The following ADM2 variants were observed in gnomAD, a reference collection of about 807,000 sequenced individuals.
ADM2 encodes adrenomedullin 2, also known as protein ADM2.
ADM2 carries 5 observed loss-of-function variants against 7.1 expected under a neutral mutation model. That is an observed-to-expected ratio of 0.71 (90% CI 0.37 to 1.49). The LOEUF (loss-of-function observed/expected upper bound fraction) is 1.49, where lower values mean the gene tolerates loss of function less well. ADM2 is among the 40% of genes most tolerant of loss of function. The probability of loss-of-function intolerance (pLI) is 0.03; values close to 1 mark genes in which losing one functional copy is unlikely to be tolerated. For missense variants in ADM2, 236 were observed against 211.2 expected, an observed-to-expected ratio of 1.12 and a Z score of -0.73; for synonymous variants, 123 against 92.8, an observed-to-expected ratio of 1.33 and a Z score of -1.87.
rs61732427 is a variant in ADM2 at position 50,482,954 on chromosome 22, C to G, written c.*51C>G. On this transcript the variant is annotated 3_prime_UTR_variant, in exon 3 of 3. Transcript: ENST00000395737. ...CATCCCAGCCAGGGTGCTGTGCCCC[C>G]GTCCAGAGCTGCAGCTGAGCCCCAT... 2 of 1,542,000 alleles carry G rather than the reference C, an allele frequency of 1.3e-6. No homozygotes were observed. The highest frequency in any genetic ancestry group is 2.4e-5 in the South Asian group (2 of 84,440).
chr22:50,482,050 A>T (rs1013236852), intron 2 of ADM2, 93 bp downstream of exon 2: 1 of 1,175,952 alleles, frequency 8.5e-7, no homozygotes, highest in Non-Finnish European at 1.2e-6. Context: ...CCACGCCTCC[A>T]CCTGCTGCTA....
chr22:50,485,273 G>C lies in ADM2; in HGVS notation c.*2370G>C, dbSNP rs2148632661. On this transcript the variant is annotated 3_prime_UTR_variant, in exon 3 of 3. Coordinates refer to ENST00000395737, the MANE Select transcript of ADM2 (RefSeq NM_001253845.2). ...GAGGCAGGAGAATCGTCTAAGCCCGGGAGGTGGAGGTTGCAGTGAGCCCAG... is the reference window on the plus strand; with the variant it reads ...GAGGCAGGAGAATCGTCTAAGCCCGCGAGGTGGAGGTTGCAGTGAGCCCAG... The C allele has an allele frequency of 6.6e-6, 1 of 152,410 alleles. No individual in the cohort carries two copies. Among genetic ancestry groups the C allele is most frequent in the East Asian group, 1.9e-4 (1 of 5,194 alleles). The allele number at this position is 152,410 out of a possible 1,614,324, so 9.4% of individuals were successfully genotyped here. A position where few individuals can be genotyped will look rare whatever the true frequency, so the allele number is the denominator to read the frequency against.
Position 50,481,839 on chromosome 22 carries a change from C to T in ADM2, c.-9C>T. ...GCTCACCGCCCCCTCCCCTGCAGCCCCGCCCGCCATGGCCCGGATCCCGAC... is the reference window on the plus strand; with the variant it reads ...GCTCACCGCCCCCTCCCCTGCAGCCTCGCCCGCCATGGCCCGGATCCCGAC... On this transcript the variant is annotated splice_region_variant and 5_prime_UTR_variant, in exon 2 of 3. Coordinates refer to ENST00000395737, the MANE Select transcript of ADM2 (RefSeq NM_001253845.2). 3 of 1,494,252 alleles carry T rather than the reference C, an allele frequency of 2.0e-6. No homozygotes were observed. Among genetic ancestry groups the T allele is most frequent in the Non-Finnish European group, 2.7e-6 (3 of 1,128,390 alleles). The allele number at this position is 1,494,252 out of a possible 1,614,324, so 92.6% of individuals were successfully genotyped here.
At position 50,486,129 on chromosome 22, in the gene ADM2, C is replaced by T. The variant is rs1236546665; in HGVS notation, c.*3226C>T. On this transcript the variant is annotated 3_prime_UTR_variant, in exon 3 of 3. Transcript: ENST00000395737. ...TTTCCTCGACGAGGCCTGACCCCAT[C>T]CCCATCCTCGCTGGGCCCGCCGACC... The T allele has an allele frequency of 6.6e-6, 1 of 152,356 alleles. No homozygotes were observed. Among genetic ancestry groups the T allele is most frequent in the Non-Finnish European group, 1.5e-5 (1 of 68,168 alleles). The allele number at this position is 152,356 out of a possible 1,614,324, so 9.4% of individuals were successfully genotyped here.
At position 50,481,757 on chromosome 22, in the gene ADM2, C is replaced by T. The variant is rs1569515878; in HGVS notation, c.-18C>T. 13 of 879,410 alleles carry T rather than the reference C, an allele frequency of 1.5e-5. No individual in the cohort carries two copies. Among genetic ancestry groups the T allele is most frequent in the South Asian group, 2.1e-5 (1 of 48,438 alleles). The allele number at this position is 879,410 out of a possible 1,614,324, so 54.5% of individuals were successfully genotyped here. ...CCCGGCGCCCCGACCGCGGAGGACT[C>T]CCCGAGGTGCCGGCGGAGGGGGTGG... is the stretch of plus-strand genomic sequence containing the variant. On this transcript the variant is annotated 5_prime_UTR_variant, in exon 1 of 3. Transcript: ENST00000395737.
In ADM2 at chr22:50,481,853, C is replaced by T; in HGVS notation, c.6C>T (p.Ala2=). ...CCCCTGCAGCCCCGCCCGCCATGGC[C>T]CGGATCCCGACGGCCGCCCTGGGTT... is the stretch of plus-strand genomic sequence containing the variant. M[A]RIPTAALGCI... Residue 2 remains alanine (A), a synonymous_variant, in exon 2 of 3, where the codon GCC becomes GCT. Transcript: ENST00000395737. 1 of 1,504,568 alleles carries T rather than the reference C, an allele frequency of 6.6e-7. No individual in the cohort carries two copies. Among genetic ancestry groups the T allele is most frequent in the Non-Finnish European group, 8.8e-7 (1 of 1,132,764 alleles). 93.2% of individuals were successfully genotyped at this position (1,504,568 alleles called of 1,614,324 possible). A position where few individuals can be genotyped will look rare whatever the true frequency, so the allele number is the denominator to read the frequency against.
Position 50,483,892 on chromosome 22 carries a change from G to C in ADM2, c.*989G>C, listed in dbSNP as rs969279788. On this transcript the variant is annotated 3_prime_UTR_variant, in exon 3 of 3. Coordinates refer to ENST00000395737, the MANE Select transcript of ADM2 (RefSeq NM_001253845.2). ...TGTGTGTCCTTCCCTGGGGGGACGG[G>C]GGACTCACATGTGCCTGCCACTGGA... is the stretch of plus-strand genomic sequence containing the variant. The C allele has an allele frequency of 6.5e-6, 1 of 153,474 alleles. No individual in the cohort carries two copies. The highest frequency in any genetic ancestry group is 2.4e-5 in the African/African-American group (1 of 41,456). The allele number at this position is 153,474 out of a possible 1,614,324, so 9.5% of individuals were successfully genotyped here.
chr22:50,481,913 G>GC lies in ADM2; in HGVS notation c.67dup (p.Leu23ProfsTer154). 1 of 1,533,242 alleles carries GC rather than the reference G, an allele frequency of 6.5e-7. No individual in the cohort carries two copies. The highest frequency in any genetic ancestry group is 2.0e-5 in the Admixed American group (1 of 50,670). 95.0% of individuals were successfully genotyped at this position (1,533,242 alleles called of 1,614,324 possible). A position where few individuals can be genotyped will look rare whatever the true frequency, so the allele number is the denominator to read the frequency against. ...TCCTCTGCCTGCAGCTCCCTGGCTC[G>GC]CTGTCCCGCAGCCTGGGCGGGGACC... On this transcript the variant is annotated frameshift_variant, in exon 2 of 3. Coordinates refer to ENST00000395737, the MANE Select transcript of ADM2 (RefSeq NM_001253845.2). LOFTEE classifies it low-confidence loss of function (END_TRUNC).
At chr22:50,482,032 C>T (rs994621452) in intron 2 of ADM2, 75 bp downstream of exon 2, 13 of 1,355,784 alleles carry the variant, frequency 9.6e-6, no homozygotes, top group Admixed American at 8.8e-5. Context: ...CGCGGGGCCG[C>T]CCTCCCTCCA....
rs576257041 is a variant in ADM2 at position 50,483,649 on chromosome 22, C to G, written c.*746C>G. 3 of 230,922 alleles carry G rather than the reference C, an allele frequency of 1.3e-5. No homozygotes were observed. The highest frequency in any genetic ancestry group is 5.2e-5 in the Admixed American group (1 of 19,168). 14.3% of individuals were successfully genotyped at this position (230,922 alleles called of 1,614,324 possible). On this transcript the variant is annotated 3_prime_UTR_variant, in exon 3 of 3. Transcript: ENST00000395737. ...CTGGGTGGGGCAAGATCCCCCAGCC[C>G]GACTAGACCCACCTCACCTGAAGGG...
At chr22:50,482,089 C>G in intron 2 of ADM2, 132 bp downstream of exon 2, 5 of 840,502 alleles carry the variant, frequency 5.9e-6, no homozygotes, top group Non-Finnish European at 8.9e-6. Context: ...AAGGCCCCTA[C>G]CCCAGGCTCA....
Position 50,482,952 on chromosome 22 carries a change from C to A in ADM2, c.*49C>A. The A allele has an allele frequency of 6.5e-7, 1 of 1,542,998 alleles. No individual in the cohort carries two copies. Among genetic ancestry groups the A allele is most frequent in the Non-Finnish European group, 8.7e-7 (1 of 1,149,706 alleles). On this transcript the variant is annotated 3_prime_UTR_variant, in exon 3 of 3. Transcript: ENST00000395737. The stretch of plus-strand genomic sequence containing the variant: ...CCCATCCCAGCCAGGGTGCTGTGCC[C>A]CCGTCCAGAGCTGCAGCTGAGCCCC...
rs903628177 is a variant in ADM2 at position 50,483,243 on chromosome 22, C to A, written c.*340C>A. On this transcript the variant is annotated 3_prime_UTR_variant, in exon 3 of 3. Transcript: ENST00000395737. ...CTGAACACACGGGGCCATGTCTGGA[C>A]GAGCAGGGGAGAGAGGCTGAACTGG... 1 of 537,352 alleles carries A rather than the reference C, an allele frequency of 1.9e-6. No individual in the cohort carries two copies. Among genetic ancestry groups the A allele is most frequent in the Non-Finnish European group, 3.6e-6 (1 of 279,814 alleles). The allele number at this position is 537,352 out of a possible 1,614,324, so 33.3% of individuals were successfully genotyped here. A position where few individuals can be genotyped will look rare whatever the true frequency, so the allele number is the denominator to read the frequency against.
chr22:50,482,521 CA>C, intron 2 of ADM2, 45 bp from the exon 3 acceptor site: 1 of 1,443,724 alleles, frequency 6.9e-7, no homozygotes. Context: ...GTGAGTTCTC[CA>C]AAAGGCTGAG....
In ADM2 at chr22:50,483,710, G is replaced by T. The variant is rs1298905094; in HGVS notation, c.*807G>T. 1.8e-5 allele frequency: 3 copies of T among 171,210 alleles called. No homozygotes were observed. The East Asian group carries it at 5.0e-4, about 29-fold the overall frequency. The allele number at this position is 171,210 out of a possible 1,614,324, so 10.6% of individuals were successfully genotyped here. ...TTGTTGGCAGCCAGACAAGGGTGGG[G>T]CTCCACAGGCAGCACAGGCGCCCCA... is the stretch of plus-strand genomic sequence containing the variant. On this transcript the variant is annotated 3_prime_UTR_variant, in exon 3 of 3. Transcript: ENST00000395737.
At position 50,482,781 on chromosome 22, in the gene ADM2, G is replaced by A; in HGVS notation, c.325G>A (p.Gly109Ser). ...RRTQAQLLRV[G>S]CVLGTCQVQN... ...GACCCAAGCCCAGCTCCTGCGAGTGGGCTGTGTGCTGGGCACCTGCCAGGT... is the reference window on the plus strand; with the variant it reads ...GACCCAAGCCCAGCTCCTGCGAGTGAGCTGTGTGCTGGGCACCTGCCAGGT... The change falls in exon 3 of 3, where the codon GGC (glycine) becomes AGC (serine). Residue 109 changes from glycine to serine, a missense_variant. Gly to Ser is a moderately conservative substitution (Grantham distance 56). Coordinates refer to ENST00000395737, the MANE Select transcript of ADM2 (RefSeq NM_001253845.2). 1 of 1,608,198 alleles carries A rather than the reference G, an allele frequency of 6.2e-7. No individual in the cohort carries two copies. Among genetic ancestry groups the A allele is most frequent in the Non-Finnish European group, 8.5e-7 (1 of 1,179,082 alleles).
In ADM2 at chr22:50,481,879, G is replaced by A; in HGVS notation, c.32G>A (p.Cys11Tyr). Residue 11 changes from cysteine to tyrosine, a missense_variant, in exon 2 of 3, where the codon TGC becomes TAC. By Grantham distance (194) the Cys-to-Tyr change is radical. Coordinates refer to ENST00000395737, the MANE Select transcript of ADM2 (RefSeq NM_001253845.2). MARIPTAALG[C>Y]ISLLCLQLPG... ...CGGATCCCGACGGCCGCCCTGGGTT[G>A]CATCAGCCTCCTCTGCCTGCAGCTC... The A allele has an allele frequency of 6.6e-6, 10 of 1,521,424 alleles. No homozygotes were observed. The highest frequency in any genetic ancestry group is 8.8e-6 in the Non-Finnish European group (10 of 1,138,962). The allele number at this position is 1,521,424 out of a possible 1,614,324, so 94.2% of individuals were successfully genotyped here.
Position 50,482,714 on chromosome 22 carries a change from C to T in ADM2, c.258C>T (p.Gly86=). The change falls in exon 3 of 3, where the codon GGC becomes GGT. Residue 86 remains glycine, a synonymous_variant. Coordinates refer to ENST00000395737, the MANE Select transcript of ADM2 (RefSeq NM_001253845.2). ...TGGGTCAGCCTCTCCGGGATGGTGG[C>T]CGCCAACACTCGGGCCCCCGAAGAC... The part of the protein sequence containing the change: ...PVMGQPLRDG[G]RQHSGPRRHS... The T allele has an allele frequency of 6.2e-7, 1 of 1,605,376 alleles. No individual in the cohort carries two copies. The highest frequency in any genetic ancestry group is 8.5e-7 in the Non-Finnish European group (1 of 1,175,992).
Position 50,482,743 on chromosome 22 carries a change from C to T in ADM2, c.287C>T (p.Ser96Leu), listed in dbSNP as rs549309630. ...CAACACTCGGGCCCCCGAAGACACT[C>T]GGGCCCCCGCAGGACCCAAGCCCAG... The part of the protein sequence containing the change: ...GRQHSGPRRH[S>L]GPRRTQAQLL... Residue 96 changes from serine (S) to leucine (L), a missense_variant, in exon 3 of 3, where the codon TCG (serine) becomes TTG (leucine). Transcript: ENST00000395737. 1.0e-5 allele frequency: 15 copies of T among 1,503,432 alleles called. No individual in the cohort carries two copies. Among genetic ancestry groups the T allele is most frequent in the East Asian group, 7.2e-5 (3 of 41,772 alleles). The allele number at this position is 1,503,432 out of a possible 1,614,324, so 93.1% of individuals were successfully genotyped here.
Sources: allele counts gnomAD v4.1 joint callset, GRCh38; gene constraint gnomAD v4.1.1; transcripts MANE v1.5; gene names NCBI Gene and HGNC (gene_info 2026-07-23, HGNC 2026-07-21).